LY86: variants seen among roughly 807,000 people sequenced by gnomAD.
LY86 encodes lymphocyte antigen 86.
In LY86, 20 loss-of-function variants were observed where a neutral mutation model predicts 17.3. The ratio of observed to expected loss-of-function variants is 1.15; its 90% confidence interval spans 0.81 to 1.68. The LOEUF is 1.68. Among genes scored for constraint, LY86 ranks in the 40% most tolerant of loss-of-function variants. The pLI is 0.00. For synonymous variants in LY86, 74 were observed against 70.6 expected (o/e 1.05, Z -0.24); for missense variants, 200 against 191.9 (o/e 1.04, Z -0.25).
At chr6:6,649,018 A>G (rs928902096) in intron 3 of LY86, among the ~76,000 whole-genome samples, 2 of 152,228 alleles carry the variant, frequency 1.3e-5, no homozygotes, top group Admixed American at 1.3e-4. Flanking sequence ...ACCACTATGA[A>G]GAAACACCCA....
At chr6:6,603,568 CA>C in intron 1 of LY86, among the ~76,000 whole-genome samples, 1 of 98,436 alleles carries the variant, frequency 1.0e-5, no homozygotes, top group African/African-American at 3.7e-5. Context: ...CTCCAGAAGC[CA>C]AAACAAAGCC....
At chr6:6,611,237 G>A (rs994759422) in intron 1 of LY86, among the ~76,000 whole-genome samples, 5 of 152,152 alleles carry the variant, frequency 3.3e-5, no homozygotes, top group Non-Finnish European at 7.4e-5. Context: ...ACAGTCTTTG[G>A]GACTTGAGTT....
chr6:6,634,879 AT>A (rs1457533835), intron 3 of LY86, among the ~76,000 whole-genome samples: 1 of 152,202 alleles, frequency 6.6e-6, no homozygotes, highest in Non-Finnish European at 1.5e-5. Context: ...TACTGCCTAG[AT>A]TTGGAAAAAA....
chr6:6,640,408 T>A (rs9405311), intron 3 of LY86, among the ~76,000 whole-genome samples: 40,537 of 145,518 alleles, frequency 0.28, 5,762 homozygotes, highest in Middle Eastern at 0.43. Flanking sequence ...AAAATAAAAA[T>A]AAAAAAAAAA....
chr6:6,649,757 A>C, intron 4 of LY86, 80 bp downstream of exon 4: 1 of 850,000 alleles, frequency 1.2e-6, no homozygotes, highest in Non-Finnish European at 1.9e-6. Flanking sequence ...GGAAAGGAGG[A>C]GAAACCAAGA....
chr6:6,612,252 T>C (rs1400714574), intron 1 of LY86, among the ~76,000 whole-genome samples: 1 of 152,178 alleles, frequency 6.6e-6, no homozygotes, highest in East Asian at 1.9e-4. Context: ...AGTTTATTCC[T>C]TCTGATGTTC....
intron 3 of LY86, among the ~76,000 whole-genome samples, chr6:6,639,591 C>T (rs568291750): frequency 3.3e-5 from 5 of 152,272 alleles, no homozygotes; most frequent in South Asian, 4.1e-4. Flanking sequence ...TTCCTCGGCC[C>T]GTAGTGGCAT....
chr6:6,644,330 C>T (rs373693946), intron 3 of LY86, among the ~76,000 whole-genome samples: 17 of 152,106 alleles, frequency 1.1e-4, no homozygotes, highest in Admixed American at 9.8e-4. Flanking sequence ...TGGAGACCAG[C>T]CTGGACAACA....
intron 1 of LY86, among the ~76,000 whole-genome samples, chr6:6,593,798 G>A (rs3761985): frequency 1.3e-5 from 2 of 152,178 alleles, no homozygotes; most frequent in East Asian, 3.9e-4. Flanking sequence ...TCTACTGAGA[G>A]GCCATGGTGA....
intron 3 of LY86, among the ~76,000 whole-genome samples, chr6:6,634,212 A>C (rs1349115403): frequency 6.6e-6 from 1 of 152,238 alleles, no homozygotes; most frequent in Non-Finnish European, 1.5e-5. Flanking sequence ...GCTAGAGAAA[A>C]TAATTAGGTT....
At chr6:6,648,776 A>AAAAC (rs1554126816) in intron 3 of LY86, among the ~76,000 whole-genome samples, 1 of 151,788 alleles carries the variant, frequency 6.6e-6, no homozygotes, top group Non-Finnish European at 1.5e-5. Context: ...AAAAAAGAAA[A>AAAAC]AAACAAGGAA....
intron 1 of LY86, among the ~76,000 whole-genome samples, chr6:6,612,557 G>C (rs535868264): frequency 2.6e-5 from 4 of 152,116 alleles, no homozygotes; most frequent in African/African-American, 4.8e-5. Context: ...GAAACAACCA[G>C]TTGTCACTAG....
At chr6:6,607,995 AT>A (rs1463472632) in intron 1 of LY86, among the ~76,000 whole-genome samples, 3 of 152,244 alleles carry the variant, frequency 2.0e-5, no homozygotes, top group Non-Finnish European at 4.4e-5. Flanking sequence ...GACAAATTGC[AT>A]TTTAAAAGTT....
At chr6:6,603,847 A>G (rs1201411344) in intron 1 of LY86, among the ~76,000 whole-genome samples, 11 of 151,996 alleles carry the variant, frequency 7.2e-5, no homozygotes, top group Middle Eastern at 6.8e-3. Flanking sequence ...AATAATAGTA[A>G]TAAATTAAGA....
At chr6:6,649,328 G>T (rs1434138227) in intron 3 of LY86, among the ~76,000 whole-genome samples, 2 of 152,262 alleles carry the variant, frequency 1.3e-5, no homozygotes, top group African/African-American at 4.8e-5. Flanking sequence ...TGAGATTTGA[G>T]TGGGGACATA....
chr6:6,600,834 A>G (rs550761070), intron 1 of LY86, among the ~76,000 whole-genome samples: 15 of 152,204 alleles, frequency 9.9e-5, no homozygotes, highest in Non-Finnish European at 2.9e-5. Context: ...TCCTAAAGGG[A>G]AGCATGAGGA....
At chr6:6,590,473 G>A (rs1760490887) in intron 1 of LY86, among the ~76,000 whole-genome samples, 1 of 152,092 alleles carries the variant, frequency 6.6e-6, no homozygotes, top group African/African-American at 2.4e-5. Context: ...GCAGTTGGCT[G>A]AGAGTAACCG....
chr6:6,640,408 T>TA (rs112988578), intron 3 of LY86, among the ~76,000 whole-genome samples: 3,387 of 145,802 alleles, frequency 0.023, 122 homozygotes, highest in African/African-American at 0.08. Context: ...AAAATAAAAA[T>TA]AAAAAAAAAA....
intron 1 of LY86, 86 bp downstream of exon 1, chr6:6,588,956 G>A (rs1760439420): frequency 2.8e-6 from 4 of 1,451,090 alleles, no homozygotes; most frequent in Non-Finnish European, 3.7e-6. Flanking sequence ...TGGAGTTGGG[G>A]TGGGAGGGGA....
Sources: allele counts gnomAD v4.1 joint callset (sites outside exome capture counted in the v4.1 genomes callset), GRCh38; gene constraint gnomAD v4.1.1; transcripts MANE v1.5; gene names NCBI Gene and HGNC (gene_info 2026-07-23, HGNC 2026-07-21).